The following APEH variants were observed in gnomAD, a reference collection of about 807,000 sequenced individuals.
The protein encoded by APEH is acylaminoacyl-peptide hydrolase.
A neutral mutation model predicts 102.7 loss-of-function variants in APEH; 75 were observed. That is an observed-to-expected ratio of 0.73 (90% CI 0.61 to 0.89). The LOEUF (loss-of-function observed/expected upper bound fraction) is 0.89. Ranked by LOEUF, APEH falls within the 40% of genes least tolerant of loss-of-function variation. The pLI is 0.00. For missense variants in APEH, 863 were observed against 941.2 expected, an observed-to-expected ratio of 0.92 and a Z score of 1.09; for synonymous variants, 344 against 362.7, an observed-to-expected ratio of 0.95 and a Z score of 0.59.
chr3:49,681,017 G>A, intron 14 of APEH, 84 bp from the exon 15 acceptor site: 1 of 1,483,446 alleles, frequency 6.7e-7, no homozygotes. Flanking sequence ...AGCATAGTGA[G>A]AGCTGCCTAT....
chr3:49,679,005 C>G lies in APEH; in HGVS notation c.1158+56C>G. 1 of 1,472,084 alleles carries G rather than the reference C, an allele frequency of 6.8e-7. No homozygotes were observed. The highest frequency in any genetic ancestry group is 1.1e-5 in the South Asian group (1 of 87,912). The allele number at this position is 1,472,084 out of a possible 1,614,324, so 91.2% of individuals were successfully genotyped here. On this transcript the variant is annotated intron_variant, in intron 12 of 21. Transcript: ENST00000296456. The surrounding 1 kb of genome is among the most constrained non-coding windows in gnomAD (Gnocchi z 4.3). ...CCCCTGTGGTCAACCCCCAGGAGCC[C>G]TGGGGGTTGCATGTGCATGCCCCTG...
Position 49,681,242 on chromosome 3 carries a change from G to A in APEH, c.1438+3G>A. ...AGAGCAAGAGAATGTGCAGTATGGT[G>A]AGCTGGGCCAGGGGCAGAGGGATGC... On this transcript the variant is annotated splice_donor_region_variant and intron_variant, in intron 15 of 21. Transcript: ENST00000296456. The A allele has an allele frequency of 3.8e-6, 6 of 1,566,796 alleles. No homozygotes were observed. Among genetic ancestry groups the A allele is most frequent in the Non-Finnish European group, 4.3e-6 (5 of 1,153,458 alleles).
intron 17 of APEH, 21 bp from the exon 18 acceptor site, chr3:49,682,327 C>T: frequency 6.3e-7 from 1 of 1,599,272 alleles, no homozygotes; most frequent in Non-Finnish European, 8.6e-7. Context: ...ACTACACTGT[C>T]TGGTCCCTCC....
At position 49,681,219 on chromosome 3, in the gene APEH, A is replaced by G; in HGVS notation, c.1418A>G (p.Glu473Gly). Reference protein sequence around the residue: ...WGIRVLQPPPEQENVQYAGLD... With the variant: ...WGIRVLQPPPGQENVQYAGLD... ...ATCCGGGTGCTACAGCCACCCCCAGAGCAAGAGAATGTGCAGTATGGTGAG... is the reference window on the plus strand; with the variant it reads ...ATCCGGGTGCTACAGCCACCCCCAGGGCAAGAGAATGTGCAGTATGGTGAG... Residue 473 changes from glutamate (E) to glycine (G), a missense_variant, in exon 15 of 22, where the codon GAG becomes GGG. Transcript: ENST00000296456. The G allele has an allele frequency of 6.2e-7, 1 of 1,602,940 alleles. No homozygotes were observed. The highest frequency in any genetic ancestry group is 8.5e-7 in the Non-Finnish European group (1 of 1,174,102).
chr3:49,677,485 C>A, intron 10 of APEH, 88 bp from the exon 11 acceptor site: 1 of 1,257,604 alleles, frequency 8.0e-7, no homozygotes, highest in Non-Finnish European at 1.2e-6. Flanking sequence ...CTGGGGCTAC[C>A]TGAGGCAAAA....
chr3:49,679,710 G>T lies in APEH; in HGVS notation c.1210+66G>T. On this transcript the variant is annotated intron_variant, in intron 13 of 21. Coordinates refer to ENST00000296456, the MANE Select transcript of APEH (RefSeq NM_001640.4). The surrounding 1 kb of genome is among the most constrained non-coding windows in gnomAD (Gnocchi z 4.3). ...TGAGCAAGCCAACCAGGCAGCGGGG[G>T]ACTGGAGCTCCAACATGTGGGGCAG... 4 of 1,514,376 alleles carry T rather than the reference G, an allele frequency of 2.6e-6. No individual in the cohort carries two copies. Among genetic ancestry groups the T allele is most frequent in the Non-Finnish European group, 3.7e-6 (4 of 1,091,806 alleles). The allele number at this position is 1,514,376 out of a possible 1,614,324, so 93.8% of individuals were successfully genotyped here. A position where few individuals can be genotyped will look rare whatever the true frequency, so the allele number is the denominator to read the frequency against.
chr3:49,673,801 C>CCTCATG (rs1553671761), upstream of APEH, among the ~76,000 whole-genome samples: 5 of 145,580 alleles, frequency 3.4e-5, 1 homozygote, highest in Non-Finnish European at 7.5e-5. Context: ...CAACCCTCAC[C>CCTCATG]CTCACGCTCA....
At chr3:49,678,104 GTCTTCAGGAGGGTGGC>G (rs1271996190) in intron 11 of APEH, among the ~76,000 whole-genome samples, 1 of 152,124 alleles carries the variant, frequency 6.6e-6, no homozygotes, top group Non-Finnish European at 1.5e-5. Flanking sequence ...AGTCAGCTGG[GTCTTCAGGAGGGTGGC>G]TCTTGGCTGA....
At position 49,679,905 on chromosome 3, in the gene APEH, C is replaced by T. The variant is rs557940590; in HGVS notation, c.1210+261C>T. On this transcript the variant is annotated intron_variant, in intron 13 of 21. Coordinates refer to ENST00000296456, the MANE Select transcript of APEH (RefSeq NM_001640.4). The surrounding 1 kb of genome is among the most constrained non-coding windows in gnomAD (Gnocchi z 4.3). Reference sequence around the variant, plus strand: ...CATGTGTCCTGGCCCAGCCTCAGCACGGCCCCCACCTCTGCTCCTAAAACC... The same window carrying T: ...CATGTGTCCTGGCCCAGCCTCAGCATGGCCCCCACCTCTGCTCCTAAAACC... The T allele has an allele frequency of 2.8e-4, 113 of 408,096 alleles. No individual in the cohort carries two copies. The highest frequency in any genetic ancestry group is 1.9e-3 in the African/African-American group (96 of 49,386). 25.3% of individuals were successfully genotyped at this position (408,096 alleles called of 1,614,324 possible). A position where few individuals can be genotyped will look rare whatever the true frequency, so the allele number is the denominator to read the frequency against.
At position 49,675,238 on chromosome 3, in the gene APEH, C is replaced by T. The variant is rs1436332335; in HGVS notation, c.201C>T (p.Tyr67=). ...RMENIRFCRQ[Y]LVFHDGDSVV... Reference sequence around the variant, plus strand: ...AGAACATTCGATTCTGCCGCCAATACCTGGTGTTCCATGACGGGGACTCAG... The same window carrying T: ...AGAACATTCGATTCTGCCGCCAATATCTGGTGTTCCATGACGGGGACTCAG... Residue 67 remains tyrosine, a synonymous_variant, in exon 3 of 22, where the codon TAC becomes TAT. Coordinates refer to ENST00000296456, the MANE Select transcript of APEH (RefSeq NM_001640.4). 1.9e-6 allele frequency: 3 copies of T among 1,614,072 alleles called. No homozygotes were observed. The highest frequency in any genetic ancestry group is 2.2e-5 in the South Asian group (2 of 91,086).
chr3:49,677,112 T>C, intron 10 of APEH, 88 bp downstream of exon 10: 1 of 1,570,452 alleles, frequency 6.4e-7, no homozygotes, highest in Non-Finnish European at 8.7e-7. Context: ...CATCTCCCCA[T>C]AGGCCCTCAG....
chr3:49,674,805 G>C (rs2052947082), intron 2 of APEH, among the ~76,000 whole-genome samples, 184 bp downstream of exon 2: 1 of 152,146 alleles, frequency 6.6e-6, no homozygotes, highest in Non-Finnish European at 1.5e-5. Flanking sequence ...GGGCGTGCGG[G>C]GCGTTATCGA....
Position 49,683,684 on chromosome 3 carries a change from C to T in APEH, c.*342C>T, listed in dbSNP as rs1212652040. 2 of 459,316 alleles carry T rather than the reference C, an allele frequency of 4.4e-6. No individual in the cohort carries two copies. The highest frequency in any genetic ancestry group is 7.9e-6 in the Non-Finnish European group (2 of 252,736). 28.5% of individuals were successfully genotyped at this position (459,316 alleles called of 1,614,324 possible). ...TGTCCTGGCAACCAGGACTCTGTAC[C>T]AGCCTAGCTTCCCTGCTGCAGCCCC... On this transcript the variant is annotated 3_prime_UTR_variant, in exon 22 of 22. Coordinates refer to ENST00000296456, the MANE Select transcript of APEH (RefSeq NM_001640.4).
Position 49,681,966 on chromosome 3 carries a change from A to C in APEH, c.1602A>C (p.Leu534=), listed in dbSNP as rs774015404. 1 of 1,613,170 alleles carries C rather than the reference A, an allele frequency of 6.2e-7. No individual in the cohort carries two copies. ...MLCKMGFAVL[L]VNYRGSTGFG... is the part of the protein sequence containing the mutation. ...GCAAGATGGGCTTTGCGGTACTACT[A>C]GGTGAGTGAGCAGGGACCCACAGTT... The change falls in exon 17 of 22, where the codon CTA becomes CTC. Residue 534 remains leucine, a splice_region_variant and synonymous_variant. Transcript: ENST00000296456.
In APEH at chr3:49,682,601, T is replaced by C; in HGVS notation, c.1748T>C (p.Leu583Pro). 1 of 1,614,132 alleles carries C rather than the reference T, an allele frequency of 6.2e-7. No homozygotes were observed. Among genetic ancestry groups the C allele is most frequent in the Non-Finnish European group, 8.5e-7 (1 of 1,180,028 alleles). ...CACTTTGATGCAAGCCATGTGGCCC[T>C]TATGGGTGGTTCCCATGGTGGCTTC... Reference protein sequence around the residue: ...EEHFDASHVALMGGSHGGFIS... With the variant: ...EEHFDASHVAPMGGSHGGFIS... Residue 583 changes from leucine to proline, a missense_variant, in exon 19 of 22, where the codon CTT becomes CCT. Coordinates refer to ENST00000296456, the MANE Select transcript of APEH (RefSeq NM_001640.4).
In APEH at chr3:49,677,751, G is replaced by C. The variant is rs1282741071; in HGVS notation, c.1060+118G>C. The C allele has an allele frequency of 1.8e-5, 18 of 1,004,994 alleles. No individual in the cohort carries two copies. In the South Asian group the frequency reaches 2.0e-4, roughly 11 times the overall value. The allele number at this position is 1,004,994 out of a possible 1,614,324, so 62.3% of individuals were successfully genotyped here. ...TTCCTTCTGAGGGCCCTACCTCCCT[G>C]CTGGGCCAGCCTTATGCCCAGCATC... On this transcript the variant is annotated intron_variant, in intron 11 of 21. Coordinates refer to ENST00000296456, the MANE Select transcript of APEH (RefSeq NM_001640.4).
chr3:49,675,397 G>T, intron 3 of APEH, 88 bp downstream of exon 3: 1 of 1,543,264 alleles, frequency 6.5e-7, no homozygotes, highest in Non-Finnish European at 8.8e-7. Flanking sequence ...GCCTAGAAGG[G>T]AGGCCAGCAG....
chr3:49,681,830 T>G, intron 16 of APEH, 25 bp downstream of exon 16: 1 of 1,610,900 alleles, frequency 6.2e-7, no homozygotes, highest in Non-Finnish European at 8.5e-7. Context: ...TTAAGAGCCC[T>G]TGCCCTCCCA....
intron 17 of APEH, 59 bp from the exon 18 acceptor site, chr3:49,682,289 G>T (rs1173318801): frequency 2.7e-6 from 4 of 1,482,108 alleles, no homozygotes; most frequent in Non-Finnish European, 3.7e-6. Context: ...TGTGAAAAGA[G>T]CGTCGAGGGG....
Sources: gnomAD v4.1 joint callset for allele counts (sites outside exome capture counted in the v4.1 genomes callset) on GRCh38, gnomAD v4.1.1 for gene constraint, Gnocchi (gnomAD v3.1) non-coding constraint, MANE v1.5 for transcripts, NCBI Gene and HGNC (gene_info 2026-07-23, HGNC 2026-07-21) for gene names.